The following MCM9 variants were observed in gnomAD, a reference collection of about 807,000 sequenced individuals.
MCM9 encodes the protein minichromosome maintenance 9 homologous recombination repair factor.
In MCM9, 55 loss-of-function variants were observed where a neutral mutation model predicts 72.8. That is an observed-to-expected ratio of 0.76 (90% CI 0.61 to 0.95). The LOEUF is 0.95. MCM9 is among the 40% of genes least tolerant of loss of function. MCM9 has a pLI of 0.00. For synonymous variants in MCM9, 480 were observed against 503.4 expected (o/e 0.95, Z 0.62); for missense variants, 1,279 against 1,377.0 (o/e 0.93, Z 1.13).
intron 8 of MCM9, among the ~76,000 whole-genome samples, chr6:118,886,767 GAC>G (rs1332501622): frequency 6.6e-6 from 1 of 151,992 alleles, no homozygotes; most frequent in African/African-American, 2.4e-5. Context: ...CAGCTTGGGC[GAC>G]ACAGTGAGAC....
At chr6:118,833,002 T>G (rs991778288) in intron 9 of MCM9, among the ~76,000 whole-genome samples, 1 of 152,186 alleles carries the variant, frequency 6.6e-6, no homozygotes, top group African/African-American at 2.4e-5. Context: ...TAGAAGAACA[T>G]AAACCACTTT....
chr6:118,895,496 C>T (rs1779331067), intron 8 of MCM9, among the ~76,000 whole-genome samples: 1 of 152,180 alleles, frequency 6.6e-6, no homozygotes, highest in African/African-American at 2.4e-5. Context: ...TAAAATAACT[C>T]CACATCCAAA....
At chr6:118,853,824 G>C (rs769426439) in intron 9 of MCM9, among the ~76,000 whole-genome samples, 71 of 152,170 alleles carry the variant, frequency 4.7e-4, no homozygotes, top group Non-Finnish European at 7.6e-4. Context: ...TTTAAATGCA[G>C]TGATTCTACA....
chr6:118,922,575 C>A (rs754709986), intron 4 of MCM9, among the ~76,000 whole-genome samples: 1 of 152,138 alleles, frequency 6.6e-6, no homozygotes, highest in Non-Finnish European at 1.5e-5. Flanking sequence ...GAACTCTGAC[C>A]AATGAGATAT....
intron 4 of MCM9, among the ~76,000 whole-genome samples, chr6:118,923,122 CCTAT>C (rs1293934265): frequency 5.9e-5 from 9 of 151,582 alleles, no homozygotes; most frequent in African/African-American, 2.2e-4. Context: ...CCTTGAACTG[CCTAT>C]CTCTTAATTA....
intron 9 of MCM9, among the ~76,000 whole-genome samples, chr6:118,838,729 T>C (rs950768070): frequency 4.6e-5 from 7 of 152,244 alleles, no homozygotes; most frequent in Non-Finnish European, 1.0e-4. Flanking sequence ...CCGAAAATTC[T>C]TTTCTTTAAG....
intron 8 of MCM9, among the ~76,000 whole-genome samples, chr6:118,878,313 C>T (rs1352625912): frequency 6.6e-6 from 1 of 151,664 alleles, no homozygotes; most frequent in East Asian, 1.9e-4. Context: ...TGCTAATAGA[C>T]CTATAAGAAA....
Position 118,929,897 on chromosome 6 carries a change from T to C in MCM9, c.304+1523A>G, listed in dbSNP as rs973633925. 3.9e-5 allele frequency among the ~76,000 whole-genome samples: 6 copies of C among 152,242 alleles called. No individual in the cohort carries two copies. In the East Asian group the frequency reaches 1.2e-3, roughly 29 times the overall value. On this transcript the variant is annotated intron_variant, in intron 3 of 13. Coordinates refer to ENST00000619706, the MANE Select transcript of MCM9 (RefSeq NM_017696.3). ...CCCTGATGCATAATGATTAATACTCTTCATAATTTATCCTAGCAAGTGTAA... is the reference window on the plus strand; with the variant it reads ...CCCTGATGCATAATGATTAATACTCCTCATAATTTATCCTAGCAAGTGTAA...
intron 9 of MCM9, among the ~76,000 whole-genome samples, chr6:118,849,135 A>G (rs1174395956): frequency 6.6e-6 from 1 of 151,894 alleles, no homozygotes; most frequent in Non-Finnish European, 1.5e-5. Flanking sequence ...CTAAACATAA[A>G]GAAATGAGCA....
chr6:118,925,514 T>A (rs1781820097), intron 3 of MCM9, among the ~76,000 whole-genome samples: 2 of 152,208 alleles, frequency 1.3e-5, no homozygotes, highest in East Asian at 3.9e-4. Flanking sequence ...TATGTTAACC[T>A]ACTGTTACAG....
rs1418404261 is a variant in MCM9, at chr6:118,814,038, G to A, written c.*786C>T. 1 of 152,186 alleles carries A rather than the reference G, an allele frequency of 6.6e-6. No homozygotes were observed. The highest frequency in any genetic ancestry group is 1.5e-5 in the Non-Finnish European group (1 of 68,076). The allele number at this position is 152,186 out of a possible 1,614,324, so 9.4% of individuals were successfully genotyped here. A position where few individuals can be genotyped will look rare whatever the true frequency, so the allele number is the denominator to read the frequency against. ...CCTCCCCGAGTAGCTAGGACTACAG[G>A]AGTGAGTCACTGTGCCTGGCTCATA... On this transcript the variant is annotated 3_prime_UTR_variant, in exon 14 of 14. Transcript: ENST00000619706.
At chr6:118,911,034 TCAAA>T in intron 8 of MCM9, 6 of 984,212 alleles carry the variant, frequency 6.1e-6, no homozygotes, top group Non-Finnish European at 6.0e-6. Flanking sequence ...CAAAATAGCA[TCAAA>T]CATATTTTTT....
At chr6:118,833,477 C>G (rs1488866783) in intron 9 of MCM9, among the ~76,000 whole-genome samples, 2 of 152,112 alleles carry the variant, frequency 1.3e-5, no homozygotes, top group Non-Finnish European at 2.9e-5. Flanking sequence ...GAAGCCCACA[C>G]CCATGTTCTC....
chr6:118,845,045 T>A (rs1372396050), intron 9 of MCM9, among the ~76,000 whole-genome samples: 1 of 151,128 alleles, frequency 6.6e-6, no homozygotes, highest in East Asian at 1.9e-4. Flanking sequence ...TAGCCAGGAG[T>A]CTAGAGTTGG....
rs1036620460 is a variant in MCM9 at position 118,813,566 on chromosome 6, T to C, written c.*1258A>G. ...TGCGTGAATTGAATGAAGTGAAAAT[T>C]AAACAAAATACATATAGTTTTGAGT... is the stretch of plus-strand genomic sequence containing the variant. On this transcript the variant is annotated 3_prime_UTR_variant, in exon 14 of 14. Transcript: ENST00000619706. 6.6e-6 allele frequency: 1 copy of C among 152,198 alleles called. No homozygotes were observed. Among genetic ancestry groups the C allele is most frequent in the African/African-American group, 2.4e-5 (1 of 41,464 alleles). The allele number at this position is 152,198 out of a possible 1,614,324, so 9.4% of individuals were successfully genotyped here. A position where few individuals can be genotyped will look rare whatever the true frequency, so the allele number is the denominator to read the frequency against.
chr6:118,910,905 T>C (rs560152995), intron 8 of MCM9: 90 of 985,442 alleles, frequency 9.1e-5, no homozygotes, highest in South Asian at 7.0e-4. Context: ...GAGCATTCAT[T>C]AGCCCAATGG....
chr6:118,816,442 G>A, intron 13 of MCM9, 148 bp from the exon 14 acceptor site: 1 of 566,106 alleles, frequency 1.8e-6, no homozygotes, highest in East Asian at 3.1e-5. Context: ...TCCTAGAGCA[G>A]CAGAATGAAA....
At chr6:118,857,257 G>T (rs1181594467) in intron 8 of MCM9, among the ~76,000 whole-genome samples, 1 of 152,178 alleles carries the variant, frequency 6.6e-6, no homozygotes, top group African/African-American at 2.4e-5. Context: ...TTCCAATGAT[G>T]AAAATGAAAA....
At chr6:118,905,492 A>G (rs1270291295) in intron 8 of MCM9, among the ~76,000 whole-genome samples, 4 of 152,224 alleles carry the variant, frequency 2.6e-5, no homozygotes, top group Non-Finnish European at 5.9e-5. Flanking sequence ...CCAGCTTATT[A>G]TAAGTCAGTC....
Sources: gnomAD v4.1 joint callset for allele counts (sites outside exome capture counted in the v4.1 genomes callset) on GRCh38, gnomAD v4.1.1 for gene constraint, MANE v1.5 for transcripts, NCBI Gene and HGNC (gene_info 2026-07-23, HGNC 2026-07-21) for gene names.